The following BSN variants were observed in gnomAD, a reference collection of about 807,000 sequenced individuals.
The protein encoded by BSN is bassoon presynaptic cytomatrix protein.
In BSN, 57 loss-of-function variants were observed where a neutral mutation model predicts 264.8. The ratio of observed to expected loss-of-function variants is 0.22; its 90% CI spans 0.17 to 0.27. BSN has a LOEUF of 0.27. Among genes scored for constraint, BSN ranks in the 10% least tolerant of loss-of-function variants. BSN has a pLI of 1.00. For missense variants in BSN, 4,615 were observed against 5,232.5 expected (o/e 0.88, Z 3.64); for synonymous variants, 2,059 against 2,137.3 (o/e 0.96, Z 1.01).
rs572300693 is a variant in BSN, at chr3:49,653,322, G to C, written c.3766G>C (p.Val1256Leu). 1 of 1,612,154 alleles carries C rather than the reference G, an allele frequency of 6.2e-7. No homozygotes were observed. The highest frequency in any genetic ancestry group is 1.1e-5 in the South Asian group (1 of 90,904). Residue 1256 changes from valine (V) to leucine (L), a missense_variant, in exon 5 of 12, where the codon GTG becomes CTG. Physicochemically the swap from Val to Leu is conservative, Grantham distance 32 (BLOSUM62 1). Around this residue, in one of 3 missense-constraint regions of BSN, gnomAD observed 3,415 missense variants for 3,866.4 expected, o/e 0.88. Transcript: ENST00000296452. This position sits in a 1 kb window ranked among gnomAD's most constrained non-coding sequence, Gnocchi z 6.3. ...EGTPASLGAAVYEEILQTSQS... is the reference protein window; with the variant it reads ...EGTPASLGAALYEEILQTSQS... ...CACGCCAGCCAGCCTGGGAGCAGCC[G>C]TGTACGAAGAAATCCTTCAGACATC...
Position 49,661,034 on chromosome 3 carries a change from T to C in BSN, c.9189T>C (p.Tyr3063=). 1 of 1,611,402 alleles carries C rather than the reference T, an allele frequency of 6.2e-7. No homozygotes were observed. The highest frequency in any genetic ancestry group is 8.5e-7 in the Non-Finnish European group (1 of 1,179,840). Residue 3063 remains tyrosine (Y), a synonymous_variant, in exon 6 of 12, where the codon TAT becomes TAC. Coordinates refer to ENST00000296452, the MANE Select transcript of BSN (RefSeq NM_003458.4). ...GCTTCCAGCCTCCAGCCCCACAGTA[T>C]TCTGCAGGCAGTGGTGGGCCAACTC... The part of the protein sequence containing the change: ...QPRFQPPAPQ[Y]SAGSGGPTQN...
intron 2 of BSN, among the ~76,000 whole-genome samples, chr3:49,630,274 G>A (rs1175662936): frequency 6.6e-6 from 1 of 152,202 alleles, no homozygotes. Context: ...CCTGGGCCCA[G>A]GAGGGTGTCT....
In BSN at chr3:49,657,087, A is replaced by G; in HGVS notation, c.7531A>G (p.Ile2511Val). ...YWPPLTHAAF[I>V]AMAGPEGLGQ... ...GCCCCCCCTTACACATGCAGCCTTC[A>G]TTGCCATGGCAGGGCCTGAAGGACT... The change falls in exon 5 of 12, where the codon ATT becomes GTT. Residue 2511 changes from isoleucine (I) to valine (V), a missense_variant. This residue lies in a region of BSN where 3,415 missense variants were observed against 3,866.4 expected (regional missense o/e 0.88). Coordinates refer to ENST00000296452, the MANE Select transcript of BSN (RefSeq NM_003458.4). 6.2e-7 allele frequency: 1 copy of G among 1,609,876 alleles called. No individual in the cohort carries two copies. The highest frequency in any genetic ancestry group is 8.5e-7 in the Non-Finnish European group (1 of 1,177,384).
At chr3:49,630,249 G>A (rs559638365) in intron 2 of BSN, among the ~76,000 whole-genome samples, 1 of 152,224 alleles carries the variant, frequency 6.6e-6, no homozygotes, top group Admixed American at 6.5e-5. Context: ...GGGAGGTAAA[G>A]GTGTCTTCTG....
Position 49,656,470 on chromosome 3 carries a change from C to A in BSN, c.6914C>A (p.Ala2305Asp). The A allele has an allele frequency of 6.3e-7, 1 of 1,598,412 alleles. No individual in the cohort carries two copies. The highest frequency in any genetic ancestry group is 8.5e-7 in the Non-Finnish European group (1 of 1,171,086). Residue 2305 changes from alanine to aspartate, a missense_variant, in exon 5 of 12, where the codon GCT (alanine) becomes GAT (aspartate). Transcript: ENST00000296452. ...TCAAGGCCAGAGATGCCAGTAGGGG[C>A]TGCACGGGAAGAGCCTCTTCCCACA... ...GPSRPEMPVG[A>D]AREEPLPTTT...
chr3:49,642,835 G>A lies in BSN; in HGVS notation c.1201G>A (p.Gly401Ser), dbSNP rs2052475328. The change falls in exon 3 of 12, where the codon GGC becomes AGC. Residue 401 changes from glycine (G) to serine (S), a missense_variant. Transcript: ENST00000296452. The surrounding 1 kb of genome is among the most constrained non-coding windows in gnomAD (Gnocchi z 7.0). ...ASKEAGPKPL[G>S]SGPGPGPAPG... ...CAAGGAGGCTGGCCCAAAACCCTTG[G>A]GCTCAGGGCCCGGGCCTGGGCCAGC... 6.2e-7 allele frequency: 1 copy of A among 1,613,048 alleles called. No homozygotes were observed. The highest frequency in any genetic ancestry group is 1.7e-5 in the Admixed American group (1 of 59,960).
In BSN at chr3:49,663,467, G is replaced by A. The variant is rs145545010; in HGVS notation, c.11309G>A (p.Gly3770Glu). 2 of 1,612,802 alleles carry A rather than the reference G, an allele frequency of 1.2e-6. No homozygotes were observed. Among genetic ancestry groups the A allele is most frequent in the Non-Finnish European group, 1.7e-6 (2 of 1,180,006 alleles). ...QSPSSRQIPS[G>E]AASRQPQTQQ... ...CCATCATCCAGGCAAATACCCTCTGGGGCAGCATCACGCCAGCCACAGACA... is the reference window on the plus strand; with the variant it reads ...CCATCATCCAGGCAAATACCCTCTGAGGCAGCATCACGCCAGCCACAGACA... Residue 3770 changes from glycine to glutamate, a missense_variant, in exon 7 of 12, where the codon GGG becomes GAG. Gly to Glu is a moderately conservative substitution (Grantham distance 98, BLOSUM62 -2). Around this residue, in one of 3 missense-constraint regions of BSN, gnomAD observed 3,415 missense variants for 3,866.4 expected, o/e 0.88. Coordinates refer to ENST00000296452, the MANE Select transcript of BSN (RefSeq NM_003458.4).
At chr3:49,578,170 C>A (rs1359293126) in intron 1 of BSN, among the ~76,000 whole-genome samples, 1 of 152,126 alleles carries the variant, frequency 6.6e-6, no homozygotes, top group Non-Finnish European at 1.5e-5. Context: ...GCTCGGCTAT[C>A]CTTTTCTTAA....
intron 5 of BSN, 101 bp downstream of exon 5, chr3:49,658,297 C>T (rs969471157): frequency 7.3e-7 from 1 of 1,366,556 alleles, no homozygotes; most frequent in Non-Finnish European, 9.6e-7. Context: ...GTAGAGGCAT[C>T]TCTGGCCCCA....
chr3:49,589,421 G>A (rs1318942088), intron 1 of BSN, among the ~76,000 whole-genome samples: 1 of 151,796 alleles, frequency 6.6e-6, no homozygotes, highest in South Asian at 2.1e-4. Context: ...TTAGGTCTAT[G>A]TATGTGTATA....
chr3:49,619,210 T>A (rs1044049354), intron 1 of BSN, among the ~76,000 whole-genome samples: 3 of 152,238 alleles, frequency 2.0e-5, no homozygotes, highest in African/African-American at 7.2e-5. Flanking sequence ...CCAGCCCCAC[T>A]CTGTGAGCTC....
intron 1 of BSN, among the ~76,000 whole-genome samples, chr3:49,603,667 T>C (rs1476348622): frequency 3.3e-5 from 5 of 152,194 alleles, no homozygotes; most frequent in African/African-American, 7.2e-5. Flanking sequence ...TCTCTGATCT[T>C]ACACGGGGAT....
At chr3:49,673,087 C>CTTTTTTT (rs71080543), downstream of BSN, among the ~76,000 whole-genome samples, 317 of 43,182 alleles carry the variant, frequency 7.3e-3, 62 homozygotes, top group African/African-American at 0.012. Context: ...CCGGCCGGGA[C>CTTTTTTT]TTTTTTTTTT....
At position 49,613,303 on chromosome 3, in the gene BSN, CGAGAGAGAGAGAGA is replaced by C. The variant is rs752108805; in HGVS notation, c.225-11639_225-11626del. Among the ~76,000 whole-genome samples, 177 of 47,348 alleles carry C rather than the reference CGAGAGAGAGAGAGA, an allele frequency of 3.7e-3. 4 individuals are homozygous for C. The highest frequency in any genetic ancestry group is 0.011 in the African/African-American group (154 of 14,248). The allele number at this position is 47,348 out of a possible 152,430, so 31.1% of individuals were successfully genotyped here. A position where few individuals can be genotyped will look rare whatever the true frequency, so the allele number is the denominator to read the frequency against. On this transcript the variant is annotated intron_variant, in intron 1 of 11. Transcript: ENST00000296452. The stretch of plus-strand genomic sequence containing the variant: ...TATATATATATATACACACACAGAG[CGAGAGAGAGAGAGA>C]GAGAGAGAGAGAGAGAGAGAGAGAG...
intron 1 of BSN, among the ~76,000 whole-genome samples, chr3:49,605,800 T>TTA (rs1263182715): frequency 3.7e-5 from 3 of 81,252 alleles, no homozygotes; most frequent in Non-Finnish European, 6.3e-5. Flanking sequence ...ATAAATATAT[T>TTA]TATATATATA....
rs549394527 is a variant in BSN, at chr3:49,575,426, A to G, written c.224+20600A>G. Among the ~76,000 whole-genome samples, 15 of 147,294 alleles carry G rather than the reference A, an allele frequency of 1.0e-4. 1 individual carries two copies. In the East Asian group the frequency reaches 2.7e-3, roughly 27 times the overall value. On this transcript the variant is annotated intron_variant, in intron 1 of 11. Coordinates refer to ENST00000296452, the MANE Select transcript of BSN (RefSeq NM_003458.4). ...TATATATGTAAATATATATATGTGTATATATATGTAAATATATATGTGTGT... is the reference window on the plus strand; with the variant it reads ...TATATATGTAAATATATATATGTGTGTATATATGTAAATATATATGTGTGT...
rs994805044 is a variant in BSN, at chr3:49,660,362, T to C, written c.8641-124T>C. On this transcript the variant is annotated intron_variant, in intron 5 of 11. Transcript: ENST00000296452. This position sits in a 1 kb window ranked among gnomAD's most constrained non-coding sequence, Gnocchi z 7.1. ...GTAGGCCTCCAGGCTGCCTGGTAAATCAGGGCACCAGCAAGATGGAACCCA... is the reference window on the plus strand; with the variant it reads ...GTAGGCCTCCAGGCTGCCTGGTAAACCAGGGCACCAGCAAGATGGAACCCA... 1 of 1,487,866 alleles carries C rather than the reference T, an allele frequency of 6.7e-7. No homozygotes were observed. Among genetic ancestry groups the C allele is most frequent in the Non-Finnish European group, 8.9e-7 (1 of 1,120,472 alleles). 92.2% of individuals were successfully genotyped at this position (1,487,866 alleles called of 1,614,324 possible).
rs746384165 is a variant in BSN, at chr3:49,651,580, G to A, written c.2024G>A (p.Arg675Gln). 4.3e-5 allele frequency: 69 copies of A among 1,603,906 alleles called. No homozygotes were observed. The highest frequency in any genetic ancestry group is 5.7e-5 in the Non-Finnish European group (67 of 1,173,946). Residue 675 changes from arginine (R) to glutamine (Q), a missense_variant, in exon 5 of 12, where the codon CGG (arginine) becomes CAG (glutamine). Around this residue, in one of 3 missense-constraint regions of BSN, gnomAD observed 1,197 missense variants for 1,348.0 expected, o/e 0.89. Coordinates refer to ENST00000296452, the MANE Select transcript of BSN (RefSeq NM_003458.4). This position sits in a 1 kb window ranked among gnomAD's most constrained non-coding sequence, Gnocchi z 5.4. Reference protein sequence around the residue: ...VGKPYSQDASRSPQSLSDTGY... With the variant: ...VGKPYSQDASQSPQSLSDTGY... The stretch of plus-strand genomic sequence containing the variant: ...AAGCCTTACTCTCAGGATGCGTCTC[G>A]GAGCCCACAGAGCCTCAGTGACACA...
chr3:49,659,917 C>A (rs961603881), intron 5 of BSN, among the ~76,000 whole-genome samples: 1 of 151,860 alleles, frequency 6.6e-6, no homozygotes, highest in Admixed American at 6.6e-5. Context: ...AGCTGAGGAG[C>A]CTTCCACTTT....
Sources: gnomAD v4.1 joint callset for allele counts (sites outside exome capture counted in the v4.1 genomes callset) on GRCh38, gnomAD v4.1.1 for gene constraint, gnomAD v4.1.1 regional missense constraint, Gnocchi (gnomAD v3.1) non-coding constraint, MANE v1.5 for transcripts, NCBI Gene and HGNC (gene_info 2026-07-23, HGNC 2026-07-21) for gene names.